Variants in NBPF9 observed in about 807,000 individuals in gnomAD.
NBPF9 encodes NBPF member 9, also known as NBPF family member NBPF9.
A neutral mutation model predicts 97.8 loss-of-function variants in NBPF9; 91 were observed. The observed-to-expected ratio is 0.93, with a 90% CI of 0.79 to 1.11. The LOEUF (loss-of-function observed/expected upper bound fraction) is 1.11. Among genes scored for constraint, NBPF9 ranks in the 50% least tolerant of loss-of-function variants. The pLI is 0.00. For synonymous variants in NBPF9, 334 were observed against 359.5 expected, an observed-to-expected ratio of 0.93 and a Z score of 0.80; for missense variants, 992 against 939.5, an observed-to-expected ratio of 1.06 and a Z score of -0.73.
intron 14 of NBPF9, among the ~76,000 whole-genome samples, chr1:149,072,233 C>A (rs1466122389): frequency 9.2e-5 from 14 of 151,818 alleles, no homozygotes; most frequent in Non-Finnish European, 2.1e-4. Context: ...GGGCCTTCAT[C>A]TCATTTTGGA....
chr1:149,077,914 C>T lies in NBPF9; in HGVS notation c.535G>A (p.Asp179Asn). 6 of 1,494,402 alleles carry T rather than the reference C, an allele frequency of 4.0e-6. No homozygotes were observed. The Admixed American group carries it at 6.8e-5, about 17-fold the overall frequency. The allele number at this position is 1,494,402 out of a possible 1,614,324, so 92.6% of individuals were successfully genotyped here. A position where few individuals can be genotyped will look rare whatever the true frequency, so the allele number is the denominator to read the frequency against. ...GCAGATGATTCCAGTACTTTCTCAT[C>T]CTCCTCAACTTGAACATCTTCATCC... Residue 179 changes from aspartate to asparagine, a missense_variant, in exon 10 of 30, where the codon GAT becomes AAT. Coordinates refer to ENST00000584027, the Ensembl canonical transcript of NBPF9.
chr1:149,073,761 C>G lies in NBPF9; in HGVS notation c.1091+7G>C, dbSNP rs1553653577. 1 of 1,579,916 alleles carries G rather than the reference C, an allele frequency of 6.3e-7. No individual in the cohort carries two copies. Among genetic ancestry groups the G allele is most frequent in the South Asian group, 1.1e-5 (1 of 89,832 alleles). The stretch of plus-strand genomic sequence containing the variant: ...CCCCCCTGCCTGCCCCCATGGGGTC[C>G]CCTCACCTGAGCTCCTCAGCTTGCT... On this transcript the variant is annotated splice_region_variant and intron_variant, in intron 13 of 29. Coordinates refer to ENST00000584027, the Ensembl canonical transcript of NBPF9.
intron 4 of NBPF9, among the ~76,000 whole-genome samples, chr1:149,093,168 G>A (rs587648649): frequency 6.6e-6 from 1 of 151,604 alleles, no homozygotes; most frequent in African/African-American, 2.4e-5. Flanking sequence ...TCATAAACAA[G>A]GTAAAGAAAA....
At chr1:149,068,971 C>T (rs1255507762) in intron 17 of NBPF9, among the ~76,000 whole-genome samples, 2 of 152,118 alleles carry the variant, frequency 1.3e-5, no homozygotes, top group African/African-American at 2.4e-5. Flanking sequence ...AAGAAACTCA[C>T]TCAAAACCGC....
At chr1:149,099,463 C>T (rs1213712249) in intron 3 of NBPF9, among the ~76,000 whole-genome samples, 3 of 152,150 alleles carry the variant, frequency 2.0e-5, no homozygotes, top group Admixed American at 6.6e-5. Context: ...TTCATTCATT[C>T]ATTTAACAAA....
intron 16 of NBPF9, among the ~76,000 whole-genome samples, chr1:149,070,183 T>C (rs1358485071): frequency 2.0e-5 from 3 of 150,726 alleles, no homozygotes; most frequent in Admixed American, 2.0e-4. Context: ...TAGCCAGATG[T>C]GATGTTGTGC....
exon 30 of NBPF9, chr1:149,055,305 A>C (rs1223536671): frequency 2.3e-6 from 1 of 435,942 alleles, no homozygotes; most frequent in Admixed American, 3.7e-5. Flanking sequence ...CTAAACACAA[A>C]GATGACAATG....
intron 7 of NBPF9, among the ~76,000 whole-genome samples, chr1:149,081,093 TTTTA>T (rs2080394858): frequency 6.6e-6 from 1 of 152,058 alleles, no homozygotes; most frequent in Non-Finnish European, 1.5e-5. Flanking sequence ...AGGTACTCTC[TTTTA>T]TTTTTATTTT....
chr1:149,064,704 C>T (rs111740471), intron 18 of NBPF9: 3 of 616,772 alleles, frequency 4.9e-6, no homozygotes, highest in African/African-American at 3.7e-5. Flanking sequence ...GGAATGTTAT[C>T]TTCCCTATGT....
intron 1 of NBPF9, 37 bp downstream of exon 1, chr1:149,103,264 G>T (rs1553663752): frequency 2.0e-5 from 3 of 151,038 alleles, no homozygotes; most frequent in Admixed American, 2.0e-4. Flanking sequence ...GCGGGTCCCG[G>T]ACTCACCGCC....
At chr1:149,062,632 G>A (rs1337287684) in intron 21 of NBPF9, among the ~76,000 whole-genome samples, 2 of 145,758 alleles carry the variant, frequency 1.4e-5, no homozygotes, top group Non-Finnish European at 3.0e-5. Context: ...ATTCCATGCA[G>A]TTGCCATACA....
chr1:149,094,097 T>C, intron 4 of NBPF9, among the ~76,000 whole-genome samples: 1 of 152,124 alleles, frequency 6.6e-6, no homozygotes, highest in Middle Eastern at 3.4e-3. Context: ...ATGGCGCCGT[T>C]GCATTCGAGC....
chr1:149,097,289 T>C (rs1192357150), intron 4 of NBPF9, among the ~76,000 whole-genome samples: 1 of 152,192 alleles, frequency 6.6e-6, no homozygotes, highest in Non-Finnish European at 1.5e-5. Context: ...ACACGCTAAC[T>C]AGTTATTGGA....
intron 12 of NBPF9, among the ~76,000 whole-genome samples, chr1:149,075,180 G>A (rs1435908760): frequency 5.4e-4 from 82 of 151,854 alleles, no homozygotes; most frequent in Admixed American, 9.9e-4. Context: ...TCCTCTTGAA[G>A]CCCCTCAGAG....
At chr1:149,082,373 A>C in exon 6 of NBPF9, 2 of 1,466,606 alleles carry the variant, frequency 1.4e-6, no homozygotes. Flanking sequence ...AAGCACTGCC[A>C]GTAGCTCAGA....
At chr1:149,056,013 C>A (rs1437885566) in intron 29 of NBPF9, 114 bp from the exon 30 acceptor site, 233 of 1,592,838 alleles carry the variant, frequency 1.5e-4, no homozygotes, top group Non-Finnish European at 1.8e-4. Context: ...AGGATAGATC[C>A]ATTAATGAGG....
At chr1:149,072,309 C>T (rs138738287) in intron 14 of NBPF9, among the ~76,000 whole-genome samples, 78 of 152,222 alleles carry the variant, frequency 5.1e-4, no homozygotes, top group Middle Eastern at 3.4e-3. Context: ...TTGTCTGCCA[C>T]GGAGAGAGAC....
intron 5 of NBPF9, among the ~76,000 whole-genome samples, chr1:149,084,542 A>G (rs61809719): frequency 0.57 from 81,773 of 143,788 alleles, 23,492 homozygotes; most frequent in African/African-American, 0.62. Flanking sequence ...TCCCCCACCC[A>G]CCAGCCCAGG....
chr1:149,068,081 G>C (rs1444924065), intron 17 of NBPF9, among the ~76,000 whole-genome samples: 3 of 147,266 alleles, frequency 2.0e-5, no homozygotes, highest in Non-Finnish European at 4.4e-5. Context: ...AATGCTGACA[G>C]ATTTTGTCAC....
Sources: allele counts gnomAD v4.1 joint callset (sites outside exome capture counted in the v4.1 genomes callset), GRCh38; gene constraint gnomAD v4.1.1; transcripts MANE v1.5; gene names NCBI Gene and HGNC (gene_info 2026-07-23, HGNC 2026-07-21).